Variants in MUC4 observed in about 807,000 individuals in gnomAD.
The protein encoded by MUC4 is mucin 4, cell surface associated.
Under a neutral mutation model 257.9 loss-of-function variants are expected in MUC4, and 202 were observed. The observed-to-expected ratio is 0.78, with a 90% CI of 0.70 to 0.88. The LOEUF (loss-of-function observed/expected upper bound fraction) is 0.88, where lower values mean the gene tolerates loss of function less well. Among genes scored for constraint, MUC4 ranks in the 40% least tolerant of loss-of-function variants. The pLI, the probability that MUC4 is intolerant of heterozygous loss-of-function variation, is 0.00. For synonymous variants in MUC4, 2,351 were observed against 2,757.1 expected, an observed-to-expected ratio of 0.85 and a Z score of 4.62; for missense variants, 5,976 against 6,513.7, an observed-to-expected ratio of 0.92 and a Z score of 2.84.
chr3:195,799,226 A>C (rs2149062482), intron 1 of MUC4, among the ~76,000 whole-genome samples: 1 of 74,984 alleles, frequency 1.3e-5, no homozygotes, highest in South Asian at 3.6e-4. Context: ...TGTATGTGTG[A>C]CACTGTGTGT....
Position 195,754,361 on chromosome 3 carries a change from G to T in MUC4, c.15180C>A (p.Cys5060Ter). ...VGNSSLEVAG[C>*]KCDGGTFGRY... is the part of the protein sequence containing the mutation. ...GGCCGAAGGTGCCCCCGTCACACTT[G>T]CAGCCAGCCACCTGGAGGAGGGTTG... The change falls in exon 19 of 25, where the codon TGC becomes TGA. Residue 5060 changes from cysteine to a stop codon, truncating the protein, a stop_gained. Transcript: ENST00000463781. LOFTEE classifies it high-confidence loss of function. The T allele has an allele frequency of 6.2e-7, 1 of 1,608,072 alleles. No individual in the cohort carries two copies. The highest frequency in any genetic ancestry group is 8.5e-7 in the Non-Finnish European group (1 of 1,177,590).
In MUC4 at chr3:195,783,998, G is replaced by T. The variant is rs775926238; in HGVS notation, c.7582C>A (p.Pro2528Thr). The T allele has an allele frequency of 1.6e-5, 25 of 1,523,256 alleles. No individual in the cohort carries two copies. The South Asian group carries it at 2.5e-4, about 15-fold the overall frequency. 94.4% of individuals were successfully genotyped at this position (1,523,256 alleles called of 1,614,324 possible). A position where few individuals can be genotyped will look rare whatever the true frequency, so the allele number is the denominator to read the frequency against. ...TPSASTGDTT[P>T]LPVTNASSLS... ...GAGGAAGCATTGGTGACAGGAAGAG[G>T]GGTGGTGTCACCTGTGGATGCTGAG... Residue 2528 changes from proline (P) to threonine (T), a missense_variant, in exon 2 of 25, where the codon CCT (proline) becomes ACT (threonine). Physicochemically the swap from Pro to Thr is conservative, Grantham distance 38. Transcript: ENST00000463781.
chr3:195,799,260 T>TGTGTGTGTGAGA (rs1553889795), intron 1 of MUC4, among the ~76,000 whole-genome samples: 20,175 of 149,036 alleles, frequency 0.14, 1,524 homozygotes, highest in East Asian at 0.24. Flanking sequence ...TGTGTGTGTG[T>TGTGTGTGTGAGA]GACACTGTGT....
intron 18 of MUC4, among the ~76,000 whole-genome samples, chr3:195,754,802 GCATGTATGTATCCATGTGTGTATC>G (rs1717212861): frequency 1.3e-5 from 2 of 151,428 alleles, no homozygotes; most frequent in African/African-American, 2.4e-5. Flanking sequence ...ATGCATGTAT[GCATGTATGTATCCATGTGTGTATC>G]CATGTGTGTA....
At chr3:195,774,629 C>T (rs7637496) in intron 3 of MUC4, among the ~76,000 whole-genome samples, 1 of 152,124 alleles carries the variant, frequency 6.6e-6, no homozygotes, top group African/African-American at 2.4e-5. Context: ...ATGCTGGGTG[C>T]GGTGGCTCAC....
intron 1 of MUC4, among the ~76,000 whole-genome samples, chr3:195,806,920 T>G (rs1003676656): frequency 6.6e-6 from 1 of 152,072 alleles, no homozygotes; most frequent in Non-Finnish European, 1.5e-5. Flanking sequence ...TATTCCAAAT[T>G]CCCCCAAAAT....
Position 195,765,081 on chromosome 3 carries a change from A to T in MUC4, c.13840T>A (p.Ser4614Thr). 6.2e-7 allele frequency: 1 copy of T among 1,613,762 alleles called. No homozygotes were observed. The highest frequency in any genetic ancestry group is 1.3e-5 in the African/African-American group (1 of 75,028). ...CTGCAGCACACGCCTCCTCGCCAAGAGGTGAAGCTGCACAGCTGCCTACTG... is the reference window on the plus strand; with the variant it reads ...CTGCAGCACACGCCTCCTCGCCAAGTGGTGAAGCTGCACAGCTGCCTACTG... ...LGSRQLCSFT[S>T]WRGGVCCSYG... Residue 4614 changes from serine to threonine, a missense_variant, in exon 10 of 25, where the codon TCT becomes ACT. Around this residue, in one of 44 missense-constraint regions of MUC4, gnomAD observed 996 missense variants for 1,137.3 expected, o/e 0.88. Coordinates refer to ENST00000463781, the MANE Select transcript of MUC4 (RefSeq NM_018406.7).
chr3:195,801,149 C>T (rs539487740), intron 1 of MUC4, among the ~76,000 whole-genome samples: 1 of 152,318 alleles, frequency 6.6e-6, no homozygotes, highest in South Asian at 2.1e-4. Context: ...TCTTGCTGCT[C>T]AAGTGTTGGC....
At position 195,786,396 on chromosome 3, in the gene MUC4, A is replaced by G; in HGVS notation, c.5184T>C (p.Pro1728=). 2.6e-6 allele frequency: 4 copies of G among 1,530,790 alleles called. No individual in the cohort carries two copies. In the South Asian group the frequency reaches 4.8e-5, roughly 18 times the overall value. The allele number at this position is 1,530,790 out of a possible 1,614,324, so 94.8% of individuals were successfully genotyped here. Residue 1728 remains proline (P), a synonymous_variant, in exon 2 of 25, where the codon CCT becomes CCC. Transcript: ENST00000463781. ...LSSVSTGDTT[P]LPVTSPSSAS... is the part of the protein sequence containing the mutation. ...CTGAGGAAGGGCTAGTGACAGGAAG[A>G]GGCGTGGTGTCACCTGTGGATACTG...
In MUC4 at chr3:195,752,669, G is replaced by A. The variant is rs112275531; in HGVS notation, c.15509-223C>T. On this transcript the variant is annotated intron_variant, in intron 20 of 24. Transcript: ENST00000463781. ...CTACATTCCACAGTGACAGAAGGTC[G>A]CTGAGCAAACCGGGAGAAGTGGCCC... The A allele has an allele frequency of 3.5e-3, 2,103 of 604,608 alleles. 63 individuals are homozygous for A. The African/African-American group carries it at 0.036, about 10-fold the overall frequency. 37.5% of individuals were successfully genotyped at this position (604,608 alleles called of 1,614,324 possible).
Position 195,790,743 on chromosome 3 carries a change from C to G in MUC4, c.837G>C (p.Glu279Asp). 6.2e-7 allele frequency: 1 copy of G among 1,614,012 alleles called. No individual in the cohort carries two copies. The highest frequency in any genetic ancestry group is 8.5e-7 in the Non-Finnish European group (1 of 1,179,898). ...STGSTLGNPG[E>D]TSSVPVTGSL... ...TTCCAGTAACAGGTACTGATGATGT[C>G]TCCCCTGGGTTTCCAAGAGTGGAGC... Residue 279 changes from glutamate to aspartate, a missense_variant, in exon 2 of 25, where the codon GAG (glutamate) becomes GAC (aspartate). Physicochemically the swap from Glu to Asp is conservative, Grantham distance 45. Transcript: ENST00000463781.
intron 3 of MUC4, among the ~76,000 whole-genome samples, chr3:195,775,593 TACCTTCCACACCC>T (rs1724340358): frequency 7.5e-6 from 1 of 133,888 alleles, no homozygotes; most frequent in Admixed American, 7.1e-5. Flanking sequence ...TCCACACCCA[TACCTTCCACACCC>T]ATACCTTCCA....
intron 21 of MUC4, chr3:195,751,946 G>T (rs1716530639): frequency 4.5e-6 from 1 of 222,472 alleles, no homozygotes; most frequent in Admixed American, 5.1e-5. Context: ...GCAGAGCAGG[G>T]ATTCTGATTC....
At chr3:195,759,301 A>T in intron 16 of MUC4, 40 bp from the exon 17 acceptor site, 1 of 1,605,824 alleles carries the variant, frequency 6.2e-7, no homozygotes, top group Non-Finnish European at 8.5e-7. Context: ...GAGGCAGGAC[A>T]GTCTCCTGCT....
Position 195,762,921 on chromosome 3 carries a change from C to A in MUC4, c.14278G>T (p.Asp4760Tyr). Residue 4760 changes from aspartate to tyrosine, a missense_variant, in exon 13 of 25, where the codon GAC becomes TAC. Coordinates refer to ENST00000463781, the MANE Select transcript of MUC4 (RefSeq NM_018406.7). ...VTVQWLLEPH[D>Y]AIRVLLDNQT... is the part of the protein sequence containing the mutation. The stretch of plus-strand genomic sequence containing the variant: ...TTATCCAGCAGGACACGGATTGCGT[C>A]GTGAGGCTCAAGGAGCCATTGGACC... 1.3e-6 allele frequency: 2 copies of A among 1,568,640 alleles called. No individual in the cohort carries two copies.
At position 195,782,764 on chromosome 3, in the gene MUC4, G is replaced by A. The variant is rs1490084451; in HGVS notation, c.8816C>T (p.Thr2939Ile). The A allele has an allele frequency of 6.6e-7, 1 of 1,521,840 alleles. No homozygotes were observed. The highest frequency in any genetic ancestry group is 8.9e-7 in the Non-Finnish European group (1 of 1,129,878). The allele number at this position is 1,521,840 out of a possible 1,614,324, so 94.3% of individuals were successfully genotyped here. The change falls in exon 2 of 25, where the codon ACA (threonine) becomes ATA (isoleucine). Residue 2939 changes from threonine (T) to isoleucine (I), a missense_variant. Thr to Ile is a moderately conservative substitution (Grantham distance 89). Around this residue, in one of 44 missense-constraint regions of MUC4, gnomAD observed 228 missense variants for 206.3 expected, o/e 1.11. Transcript: ENST00000463781. The part of the protein sequence containing the change: ...LPVTSLSSVS[T>I]GDTTPLPVTD... ...GACAGGAAGAGGGGTGGTGTCACCT[G>A]TGGATACTGAGGAAAGGCTGGTGAC... is the stretch of plus-strand genomic sequence containing the variant.
At position 195,791,511 on chromosome 3, in the gene MUC4, A is replaced by G; in HGVS notation, c.83-14T>C. On this transcript the variant is annotated splice_polypyrimidine_tract_variant and intron_variant, in intron 1 of 24. Coordinates refer to ENST00000463781, the MANE Select transcript of MUC4 (RefSeq NM_018406.7). ...CCTCTGTGGTTCCTGGAGTGAACCAAAATAGGCAAGCAGAGAGCTAAATCA... is the reference window on the plus strand; with the variant it reads ...CCTCTGTGGTTCCTGGAGTGAACCAGAATAGGCAAGCAGAGAGCTAAATCA... 6.4e-6 allele frequency: 10 copies of G among 1,554,844 alleles called. No homozygotes were observed. Among genetic ancestry groups the G allele is most frequent in the Non-Finnish European group, 8.9e-6 (10 of 1,128,502 alleles).
intron 1 of MUC4, among the ~76,000 whole-genome samples, chr3:195,800,050 G>A (rs1315386647): frequency 6.6e-6 from 1 of 152,112 alleles, no homozygotes; most frequent in African/African-American, 2.4e-5. Flanking sequence ...GGTCGAAGCG[G>A]GTGGATCATT....
intron 22 of MUC4, 43 bp downstream of exon 22, chr3:195,751,164 G>A (rs1716352588): frequency 1.3e-6 from 2 of 1,531,978 alleles, no homozygotes; most frequent in Non-Finnish European, 1.8e-6. Context: ...GGTGGGGGAT[G>A]AGGAAGAGAT....
Sources: gnomAD v4.1 joint callset for allele counts (sites outside exome capture counted in the v4.1 genomes callset) on GRCh38, gnomAD v4.1.1 for gene constraint, gnomAD v4.1.1 regional missense constraint, MANE v1.5 for transcripts, NCBI Gene and HGNC (gene_info 2026-07-23, HGNC 2026-07-21) for gene names.